EPB41L2: variants seen among roughly 807,000 people sequenced by gnomAD.
EPB41L2 encodes the protein erythrocyte membrane protein band 4.1 like 2.
EPB41L2 carries 43 observed loss-of-function variants against 113.0 expected under a neutral mutation model. The observed-to-expected ratio is 0.38, with a 90% CI of 0.30 to 0.49. The LOEUF is 0.49. EPB41L2 is among the 20% of genes least tolerant of loss of function. The pLI, the probability that EPB41L2 is intolerant of heterozygous loss-of-function variation, is 0.95. For missense variants in EPB41L2, 1,147 were observed against 1,223.4 expected (o/e 0.94, Z 0.93); for synonymous variants, 442 against 436.7 (o/e 1.01, Z -0.15).
intron 1 of EPB41L2, among the ~76,000 whole-genome samples, chr6:130,976,079 G>A (rs1437886354): frequency 6.6e-6 from 1 of 152,080 alleles, no homozygotes; most frequent in Non-Finnish European, 1.5e-5. Context: ...TGATTGTACA[G>A]GGAATCCAAT....
intron 4 of EPB41L2, among the ~76,000 whole-genome samples, chr6:130,915,351 T>TG (rs1177508881): frequency 6.6e-6 from 1 of 152,214 alleles, no homozygotes; most frequent in Non-Finnish European, 1.5e-5. Flanking sequence ...AACATGAAAT[T>TG]GGGAGGTAAT....
chr6:130,915,255 A>G (rs935845420), intron 4 of EPB41L2, among the ~76,000 whole-genome samples: 3 of 152,114 alleles, frequency 2.0e-5, no homozygotes, highest in Non-Finnish European at 4.4e-5. Flanking sequence ...GTGAGCCGAG[A>G]TCCCGCCACT....
At position 130,873,201 on chromosome 6, in the gene EPB41L2, A is replaced by T. The variant is rs75488983; in HGVS notation, c.2044-3075T>A. On this transcript the variant is annotated intron_variant, in intron 14 of 19. Coordinates refer to ENST00000337057, the MANE Select transcript of EPB41L2 (RefSeq NM_001431.4). ...GTCCCCTTTTTTTGCAAAAAGAAAC[A>T]GGTAAAGAAAAACAATTCAAAATAG... Among the ~76,000 whole-genome samples the T allele has an allele frequency of 0.02, 3,025 of 152,310 alleles. 194 individuals are homozygous for T. In the East Asian group the frequency reaches 0.26, roughly 13 times the overall value.
chr6:130,846,830 A>G (rs1352071861), intron 19 of EPB41L2, among the ~76,000 whole-genome samples: 2 of 152,204 alleles, frequency 1.3e-5, no homozygotes, highest in Non-Finnish European at 2.9e-5. Context: ...ATCTGACTGA[A>G]AAGCAAAAAA....
At chr6:130,844,103 C>T (rs1776297170) in intron 19 of EPB41L2, among the ~76,000 whole-genome samples, 1 of 152,176 alleles carries the variant, frequency 6.6e-6, no homozygotes, top group Admixed American at 6.5e-5. Context: ...TTAAGTGGTA[C>T]AGCACTCATC....
chr6:130,864,928 CATCAGA>C (rs1025610903), intron 17 of EPB41L2, among the ~76,000 whole-genome samples: 3 of 152,222 alleles, frequency 2.0e-5, no homozygotes, highest in African/African-American at 7.2e-5. Flanking sequence ...CTTCAGCATG[CATCAGA>C]ATCACTGGAA....
intron 1 of EPB41L2, among the ~76,000 whole-genome samples, chr6:131,044,328 T>G (rs1356220347): frequency 6.6e-6 from 1 of 152,070 alleles, no homozygotes; most frequent in Non-Finnish European, 1.5e-5. Flanking sequence ...ACCCAGCCAA[T>G]AATGCTTTTT....
intron 19 of EPB41L2, among the ~76,000 whole-genome samples, chr6:130,840,893 T>A (rs2128389027): frequency 6.6e-6 from 1 of 152,268 alleles, no homozygotes; most frequent in Non-Finnish European, 1.5e-5. Context: ...TATGTAAGAA[T>A]TTAAAGACAG....
chr6:130,870,149 G>A (rs775358630), intron 14 of EPB41L2, 23 bp from the exon 15 acceptor site: 2 of 1,573,728 alleles, frequency 1.3e-6, no homozygotes, highest in Non-Finnish European at 1.7e-6. Context: ...AGATGGATGA[G>A]GGAAAACAAA....
chr6:130,975,687 A>G (rs558615192), intron 1 of EPB41L2, among the ~76,000 whole-genome samples: 104 of 152,266 alleles, frequency 6.8e-4, no homozygotes, highest in African/African-American at 2.4e-3. Flanking sequence ...AATTTTCTGG[A>G]AAAAAACTAA....
chr6:130,944,317 T>C (rs1311145031), intron 3 of EPB41L2, among the ~76,000 whole-genome samples: 2 of 152,084 alleles, frequency 1.3e-5, no homozygotes, highest in Non-Finnish European at 2.9e-5. Context: ...ACTTTATAAA[T>C]GTACAAGAAA....
At chr6:131,054,191 G>A (rs1279558278) in intron 1 of EPB41L2, among the ~76,000 whole-genome samples, 1 of 152,170 alleles carries the variant, frequency 6.6e-6, no homozygotes, top group African/African-American at 2.4e-5. Context: ...CACACACCTT[G>A]AGGGCACCCA....
In EPB41L2 at chr6:130,954,921, C is replaced by A. The variant is rs3822865; in HGVS notation, c.705+184G>T. Among the ~76,000 whole-genome samples the A allele has an allele frequency of 0.011, 1,737 of 152,316 alleles. 185 individuals are homozygous for A. In the East Asian group the frequency reaches 0.26, roughly 23 times the overall value. On this transcript the variant is annotated intron_variant, in intron 3 of 19. Transcript: ENST00000337057. ...CTAGTGCAGACTGGCAGAATAGCATCCCTGCTTATCCCAAGGTCATGAAAT... is the reference window on the plus strand; with the variant it reads ...CTAGTGCAGACTGGCAGAATAGCATACCTGCTTATCCCAAGGTCATGAAAT...
chr6:130,936,563 A>C (rs754079306), intron 3 of EPB41L2, among the ~76,000 whole-genome samples: 3 of 134,272 alleles, frequency 2.2e-5, no homozygotes, highest in African/African-American at 8.7e-5. Flanking sequence ...ATACGTTTAC[A>C]TTAAGGCCCT....
At chr6:131,039,287 T>A (rs1254017683) in intron 1 of EPB41L2, among the ~76,000 whole-genome samples, 1 of 152,328 alleles carries the variant, frequency 6.6e-6, no homozygotes, top group South Asian at 2.1e-4. Context: ...ACTTTGTAAC[T>A]GTAAAATACG....
intron 19 of EPB41L2, among the ~76,000 whole-genome samples, chr6:130,853,145 G>A (rs972626215): frequency 3.3e-5 from 5 of 152,170 alleles, no homozygotes; most frequent in Non-Finnish European, 7.3e-5. Context: ...ACATATTTAT[G>A]CAATGAACAA....
chr6:130,902,766 CCT>C (rs1796652450), intron 6 of EPB41L2, among the ~76,000 whole-genome samples: 1 of 152,122 alleles, frequency 6.6e-6, no homozygotes, highest in Non-Finnish European at 1.5e-5. Flanking sequence ...TTGGTCCTTT[CCT>C]CTGTTTTCAA....
chr6:130,946,310 T>C (rs979159676), intron 3 of EPB41L2, among the ~76,000 whole-genome samples: 6 of 152,174 alleles, frequency 3.9e-5, no homozygotes, highest in East Asian at 3.8e-4. Flanking sequence ...ATTTCCATAG[T>C]ATTTTTTTTA....
chr6:130,993,752 T>C (rs562251648), intron 1 of EPB41L2, among the ~76,000 whole-genome samples: 2 of 152,124 alleles, frequency 1.3e-5, no homozygotes, highest in Non-Finnish European at 2.9e-5. Flanking sequence ...CCCTTAAGCT[T>C]TCAGGCCCTG....
Sources: allele counts gnomAD v4.1 joint callset (sites outside exome capture counted in the v4.1 genomes callset), GRCh38; gene constraint gnomAD v4.1.1; transcripts MANE v1.5; gene names NCBI Gene and HGNC (gene_info 2026-07-23, HGNC 2026-07-21).